Variants in CPXM2 observed in about 807,000 individuals in gnomAD.
CPXM2 encodes inactive carboxypeptidase-like protein X2.
CPXM2 carries 66 observed loss-of-function variants against 86.1 expected under a neutral mutation model. That is an observed-to-expected ratio of 0.77 (90% confidence interval 0.63 to 0.94). CPXM2 has a LOEUF of 0.94. Among genes scored for constraint, CPXM2 ranks in the 40% least tolerant of loss-of-function variants. The pLI, the probability that CPXM2 is intolerant of heterozygous loss-of-function variation, is 0.00. For synonymous variants in CPXM2, 388 were observed against 400.2 expected (o/e 0.97, Z 0.36); for missense variants, 948 against 1,026.3 (o/e 0.92, Z 1.04).
At chr10:123,836,202 C>A (rs1848276375) in intron 4 of CPXM2, among the ~76,000 whole-genome samples, 1 of 152,124 alleles carries the variant, frequency 6.6e-6, no homozygotes, top group South Asian at 2.1e-4. Context: ...TTTGGAACCT[C>A]CCCTTGGCTC....
chr10:123,752,254 A>G, intron 13 of CPXM2: 1 of 985,400 alleles, frequency 1.0e-6, no homozygotes, highest in Non-Finnish European at 1.2e-6. Context: ...GTGAATAAAT[A>G]TATGAAAAAA....
intron 3 of CPXM2, among the ~76,000 whole-genome samples, chr10:123,854,402 T>C (rs2134179113): frequency 8.3e-6 from 1 of 121,212 alleles, no homozygotes; most frequent in South Asian, 2.3e-4. Context: ...ATATTATATA[T>C]ATATTATATA....
intron 2 of CPXM2, among the ~76,000 whole-genome samples, chr10:123,874,462 C>T (rs1248284078): frequency 2.0e-5 from 3 of 152,048 alleles, no homozygotes; most frequent in Non-Finnish European, 4.4e-5. Context: ...TCTGTGGGGA[C>T]ATGATCAGTT....
chr10:123,838,373 G>A (rs1237582900), intron 4 of CPXM2, among the ~76,000 whole-genome samples: 1 of 152,154 alleles, frequency 6.6e-6, no homozygotes, highest in Non-Finnish European at 1.5e-5. Flanking sequence ...AGTATCACTT[G>A]AACCTGGGAG....
chr10:123,831,980 G>A (rs1180787867), intron 4 of CPXM2, among the ~76,000 whole-genome samples: 1 of 145,444 alleles, frequency 6.9e-6, no homozygotes, highest in African/African-American at 2.5e-5. Flanking sequence ...GGTTGTGGGG[G>A]CGGGGGTGGG....
intron 3 of CPXM2, among the ~76,000 whole-genome samples, chr10:123,847,439 T>C (rs539580174): frequency 1.5e-3 from 229 of 152,140 alleles, no homozygotes; most frequent in Non-Finnish European, 2.6e-3. Context: ...GGCAGGAGAA[T>C]TGCTTGAACC....
chr10:123,752,517 C>T (rs931923556), intron 13 of CPXM2: 3 of 985,282 alleles, frequency 3.0e-6, no homozygotes, highest in Non-Finnish European at 3.6e-6. Flanking sequence ...TGCTAGGGAG[C>T]CTGGCAATGA....
Position 123,830,872 on chromosome 10 carries a change from C to CTCTCTGTGTGTG in CPXM2, c.653+11476_653+11477insCACACACAGAGA, listed in dbSNP as rs1258897184. Among the ~76,000 whole-genome samples, 1,352 of 142,748 alleles carry CTCTCTGTGTGTG rather than the reference C, an allele frequency of 9.5e-3. 32 individuals are homozygous for CTCTCTGTGTGTG. Among genetic ancestry groups the CTCTCTGTGTGTG allele is most frequent in the African/African-American group, 0.033 (1,241 of 37,794 alleles). 93.6% of individuals were successfully genotyped at this position (142,748 alleles called of 152,430 possible). ...CACTCATCTCTCTCTCTCTCTCTCTCTGTGTGTGTGTGTGTGTGTGTGTGT... is the reference window on the plus strand; with the variant it reads ...CACTCATCTCTCTCTCTCTCTCTCTCTCTCTGTGTGTGTGTGTGTGTGTGTGTGTGTGTGTGT... On this transcript the variant is annotated intron_variant, in intron 4 of 13. Coordinates refer to ENST00000241305, the MANE Select transcript of CPXM2 (RefSeq NM_198148.3).
At chr10:123,868,204 C>T (rs1944828636) in intron 2 of CPXM2, among the ~76,000 whole-genome samples, 1 of 152,192 alleles carries the variant, frequency 6.6e-6, no homozygotes, top group Non-Finnish European at 1.5e-5. Context: ...GCTCCCACTC[C>T]CTTAGGCCAG....
chr10:123,887,826 C>T lies in CPXM2; in HGVS notation c.304+3530G>A, dbSNP rs148902608. ...TTATCACTGGGGGGAGCTGACAAAGCGTACATGGGGCCTCAGTGTACTATT... is the reference window on the plus strand; with the variant it reads ...TTATCACTGGGGGGAGCTGACAAAGTGTACATGGGGCCTCAGTGTACTATT... On this transcript the variant is annotated intron_variant, in intron 1 of 13. Transcript: ENST00000241305. 3.4e-4 allele frequency among the ~76,000 whole-genome samples: 51 copies of T among 152,212 alleles called. No individual in the cohort carries two copies. The East Asian group carries it at 8.3e-3, about 25-fold the overall frequency.
intron 2 of CPXM2, among the ~76,000 whole-genome samples, chr10:123,897,198 CATT>C (rs796398643): frequency 2.6e-4 from 40 of 152,214 alleles, no homozygotes; most frequent in African/African-American, 9.4e-4. Context: ...AGCCTCCACT[CATT>C]AGTCTCGGGA....
chr10:123,869,557 C>T (rs151336366), intron 2 of CPXM2, among the ~76,000 whole-genome samples: 2 of 152,282 alleles, frequency 1.3e-5, no homozygotes, highest in Admixed American at 6.5e-5. Context: ...ATCTGCTTTT[C>T]TCTTAAAGAG....
intron 2 of CPXM2, among the ~76,000 whole-genome samples, chr10:123,935,304 G>A (rs1223289214): frequency 6.6e-6 from 1 of 152,146 alleles, no homozygotes; most frequent in Non-Finnish European, 1.5e-5. Flanking sequence ...AAAACCTTAA[G>A]CTGGTAGCAT....
At chr10:123,914,366 T>G (rs552472668) in intron 2 of CPXM2, among the ~76,000 whole-genome samples, 1 of 152,330 alleles carries the variant, frequency 6.6e-6, no homozygotes, top group East Asian at 1.9e-4. Context: ...GCGCTGGGTC[T>G]GGGCCCCTTT....
intron 7 of CPXM2, among the ~76,000 whole-genome samples, chr10:123,776,022 A>T (rs1846778755): frequency 6.6e-6 from 1 of 152,156 alleles, no homozygotes; most frequent in Non-Finnish European, 1.5e-5. Flanking sequence ...GGTCTTGATG[A>T]CTTCAGTCAG....
intron 10 of CPXM2, among the ~76,000 whole-genome samples, chr10:123,765,770 G>A (rs542459099): frequency 2.6e-5 from 4 of 152,282 alleles, no homozygotes; most frequent in Non-Finnish European, 5.9e-5. Context: ...GGATGACCCC[G>A]TACTGTGAGT....
At chr10:123,943,756 G>C (rs1191930019), upstream of CPXM2, among the ~76,000 whole-genome samples, 1 of 152,204 alleles carries the variant, frequency 6.6e-6, no homozygotes, top group Admixed American at 6.5e-5. Context: ...CGGTGGGGCT[G>C]TCTGGCGCAA....
chr10:123,806,689 T>A (rs573364110), intron 4 of CPXM2, among the ~76,000 whole-genome samples: 1 of 152,126 alleles, frequency 6.6e-6, no homozygotes, highest in South Asian at 2.1e-4. Context: ...TCAAGAAACT[T>A]ACAATCATGG....
At chr10:123,807,171 C>G (rs1373168305) in intron 4 of CPXM2, among the ~76,000 whole-genome samples, 2 of 152,136 alleles carry the variant, frequency 1.3e-5, no homozygotes, top group African/African-American at 2.4e-5. Flanking sequence ...GATGCCATAC[C>G]AACATACAGG....
Sources: allele counts gnomAD v4.1 joint callset (sites outside exome capture counted in the v4.1 genomes callset), GRCh38; gene constraint gnomAD v4.1.1; transcripts MANE v1.5; gene names NCBI Gene and HGNC (gene_info 2026-07-23, HGNC 2026-07-21).